Variants in PPARGC1A observed in about 807,000 individuals in gnomAD.
The protein encoded by PPARGC1A is peroxisome proliferator-activated receptor gamma coactivator 1-alpha.
Under a neutral mutation model 88.7 loss-of-function variants are expected in PPARGC1A, and 25 were observed. The observed-to-expected ratio is 0.28, with a 90% CI of 0.21 to 0.39. PPARGC1A has a LOEUF of 0.39. Among genes scored for constraint, PPARGC1A ranks in the 10% least tolerant of loss-of-function variants. The pLI, the probability that PPARGC1A is intolerant of heterozygous loss-of-function variation, is 1.00. For synonymous variants in PPARGC1A, 363 were observed against 355.6 expected (o/e 1.02, Z -0.24); for missense variants, 880 against 968.7 (o/e 0.91, Z 1.22).
At chr4:24,471,852 G>C in the PPARGC1A span, among the ~76,000 whole-genome samples, 1 of 152,350 alleles carries the variant, frequency 6.6e-6, no homozygotes, top group Non-Finnish European at 1.5e-5. This position sits in a 1 kb window ranked among gnomAD's most constrained non-coding sequence, Gnocchi z 5.4. Flanking sequence ...CCGCGGGTCA[G>C]GGGACGCCTC....
At chr4:24,099,513 G>A in the PPARGC1A span, among the ~76,000 whole-genome samples, 2 of 152,124 alleles carry the variant, frequency 1.3e-5, no homozygotes, top group Non-Finnish European at 2.9e-5. Context: ...GATGAAAGGA[G>A]CCTTACACAT....
the PPARGC1A span, among the ~76,000 whole-genome samples, chr4:24,034,689 G>A: frequency 9.2e-5 from 14 of 152,220 alleles, no homozygotes; most frequent in Admixed American, 5.9e-4. Flanking sequence ...ATACTAGTGT[G>A]TCTCCATTTT....
the PPARGC1A span, among the ~76,000 whole-genome samples, chr4:24,163,859 G>T: frequency 6.6e-6 from 1 of 152,078 alleles, no homozygotes; most frequent in Admixed American, 6.5e-5. Context: ...CAGCCCATAG[G>T]GAGCTTTTTC....
the PPARGC1A span, among the ~76,000 whole-genome samples, chr4:24,232,717 T>C: frequency 6.6e-6 from 1 of 152,336 alleles, no homozygotes; most frequent in Non-Finnish European, 1.5e-5. Context: ...GGAACCTAGC[T>C]TTCAGCCTGG....
chr4:23,873,197 C>CAAAAAAAAAAAAAAAAAAAAAAAA (rs1381885920), intron 2 of PPARGC1A, among the ~76,000 whole-genome samples: 1 of 74,824 alleles, frequency 1.3e-5, no homozygotes, highest in African/African-American at 5.6e-5. Context: ...GACTCCGTCT[C>CAAAAAAAAAAAAAAAAAAAAAAAA]AAAAATAAAA....
intron 2 of PPARGC1A, among the ~76,000 whole-genome samples, chr4:23,839,895 C>T (rs930978280): frequency 2.6e-5 from 4 of 152,032 alleles, no homozygotes; most frequent in African/African-American, 9.7e-5. Context: ...CAGGAAAGAC[C>T]CGCTCTCATA....
At chr4:23,807,620 CAT>C (rs1720048659) in intron 10 of PPARGC1A, among the ~76,000 whole-genome samples, 1 of 152,100 alleles carries the variant, frequency 6.6e-6, no homozygotes, top group South Asian at 2.1e-4. Context: ...ACATATTAAA[CAT>C]ATACATTTTG....
At chr4:23,988,752 A>G in the PPARGC1A span, among the ~76,000 whole-genome samples, 5 of 150,948 alleles carry the variant, frequency 3.3e-5, no homozygotes, top group Admixed American at 2.7e-4. Context: ...GTGTGCATAT[A>G]TATATATACA....
At chr4:24,010,716 T>C in the PPARGC1A span, among the ~76,000 whole-genome samples, 52,184 of 152,104 alleles carry the variant, frequency 0.34, 9,569 homozygotes, top group Non-Finnish European at 0.42. Context: ...TTGATAAATA[T>C]GTACCTAAAC....
the PPARGC1A span, among the ~76,000 whole-genome samples, chr4:24,440,609 C>G: frequency 6.6e-6 from 1 of 152,148 alleles, no homozygotes; most frequent in Non-Finnish European, 1.5e-5. Context: ...TGAGACCAGC[C>G]TGGCCAACAT....
At chr4:23,867,658 T>G (rs1203440097) in intron 2 of PPARGC1A, among the ~76,000 whole-genome samples, 1 of 152,192 alleles carries the variant, frequency 6.6e-6, no homozygotes, top group Non-Finnish European at 1.5e-5. Flanking sequence ...GATCACAGAC[T>G]ATAAATGAAA....
the PPARGC1A span, among the ~76,000 whole-genome samples, chr4:24,208,633 G>T: frequency 6.8e-6 from 1 of 146,274 alleles, no homozygotes; most frequent in Non-Finnish European, 1.5e-5. Flanking sequence ...GGCAAGTCTG[G>T]TCCCTGCTTC....
chr4:23,805,710 C>T (rs567685070), intron 10 of PPARGC1A, among the ~76,000 whole-genome samples: 8 of 152,068 alleles, frequency 5.3e-5, no homozygotes, highest in East Asian at 1.9e-4. Context: ...AATTTCCTGG[C>T]GCCTGCTTTC....
the PPARGC1A span, among the ~76,000 whole-genome samples, chr4:24,297,933 G>A: frequency 6.6e-6 from 1 of 152,260 alleles, no homozygotes; most frequent in African/African-American, 2.4e-5. Flanking sequence ...TGTTTACAAA[G>A]AGAAAATAAG....
intron 2 of PPARGC1A, among the ~76,000 whole-genome samples, chr4:23,872,339 C>T (rs539928641): frequency 6.6e-6 from 1 of 152,240 alleles, no homozygotes; most frequent in South Asian, 2.1e-4. Context: ...CCTGGCCACC[C>T]AGCACTTCCA....
the PPARGC1A span, among the ~76,000 whole-genome samples, chr4:24,203,571 GAA>G: frequency 1.5e-4 from 3 of 19,360 alleles, no homozygotes; most frequent in East Asian, 4.6e-3. Context: ...ATGAGAGATA[GAA>G]AAAGAAAGAG....
At chr4:24,372,954 G>A in the PPARGC1A span, among the ~76,000 whole-genome samples, 3 of 152,300 alleles carry the variant, frequency 2.0e-5, no homozygotes, top group East Asian at 5.8e-4. Flanking sequence ...CTTAAGAGCA[G>A]TCTTTGGCTA....
the PPARGC1A span, among the ~76,000 whole-genome samples, chr4:24,381,432 A>ACTAG: frequency 6.6e-6 from 1 of 152,220 alleles, no homozygotes; most frequent in Non-Finnish European, 1.5e-5. Context: ...TTAAAAGGTA[A>ACTAG]CTAGCTGCAA....
chr4:23,871,147 G>A (rs576941952), intron 2 of PPARGC1A, among the ~76,000 whole-genome samples: 1 of 152,030 alleles, frequency 6.6e-6, no homozygotes, highest in Non-Finnish European at 1.5e-5. Flanking sequence ...CAAATGTATC[G>A]AAACACAGAA....
Sources: gnomAD v4.1 joint callset for allele counts (sites outside exome capture counted in the v4.1 genomes callset) on GRCh38, gnomAD v4.1.1 for gene constraint, Gnocchi (gnomAD v3.1) non-coding constraint, MANE v1.5 for transcripts, NCBI Gene and HGNC (gene_info 2026-07-23, HGNC 2026-07-21) for gene names.